Variants in RAP1GAP2 observed in about 807,000 individuals in gnomAD.
RAP1GAP2 encodes the protein RAP1 GTPase activating protein 2.
RAP1GAP2 carries 27 observed loss-of-function variants against 95.0 expected under a neutral mutation model. The ratio of observed to expected loss-of-function variants is 0.28; its 90% CI spans 0.21 to 0.39. The LOEUF is 0.39. Among genes scored for constraint, RAP1GAP2 ranks in the 10% least tolerant of loss-of-function variants. The pLI is 1.00. For missense variants in RAP1GAP2, 771 were observed against 970.0 expected, an observed-to-expected ratio of 0.79 and a Z score of 2.72; for synonymous variants, 373 against 380.9, an observed-to-expected ratio of 0.98 and a Z score of 0.24.
intron 1 of RAP1GAP2, among the ~76,000 whole-genome samples, chr17:2,761,381 C>T (rs892728361): frequency 2.7e-5 from 4 of 148,608 alleles, no homozygotes; most frequent in Non-Finnish European, 4.5e-5. Flanking sequence ...CTCCGTCCCC[C>T]GGGTTCAAGC....
chr17:2,922,170 C>T (rs918429890), intron 3 of RAP1GAP2, among the ~76,000 whole-genome samples: 3 of 152,208 alleles, frequency 2.0e-5, no homozygotes, highest in Admixed American at 6.5e-5. Context: ...CCACGTTCTG[C>T]GTCTAAGATG....
At chr17:2,836,154 C>G (rs2071119806) in intron 2 of RAP1GAP2, among the ~76,000 whole-genome samples, 2 of 152,064 alleles carry the variant, frequency 1.3e-5, no homozygotes, top group African/African-American at 4.8e-5. Flanking sequence ...GTGGTCGTCC[C>G]CCTTGCCTGA....
At position 2,871,951 on chromosome 17, in the gene RAP1GAP2, T is replaced by C. The variant is rs2072863710; in HGVS notation, c.81-33333T>C. On this transcript the variant is annotated intron_variant, in intron 2 of 24. Coordinates refer to ENST00000254695, the MANE Select transcript of RAP1GAP2 (RefSeq NM_015085.5). The surrounding 1 kb of genome is among the most constrained non-coding windows in gnomAD (Gnocchi z 5.0). ...TAAAATAGAATGATGAGGCCAGGCG[T>C]GGTGGCTCACGCCTGGAATCTCAGC... is the stretch of plus-strand genomic sequence containing the variant. 2.6e-5 allele frequency among the ~76,000 whole-genome samples: 4 copies of C among 152,222 alleles called. No homozygotes were observed. In the South Asian group the frequency reaches 8.3e-4, roughly 32 times the overall value.
chr17:2,808,415 T>C (rs1327671808), intron 2 of RAP1GAP2, among the ~76,000 whole-genome samples: 2 of 152,112 alleles, frequency 1.3e-5, no homozygotes, highest in African/African-American at 4.8e-5. Context: ...AGACTCTGAA[T>C]GTAAAATCTT....
intron 11 of RAP1GAP2, among the ~76,000 whole-genome samples, chr17:2,985,742 T>G (rs541698410): frequency 3.5e-4 from 54 of 152,196 alleles, no homozygotes; most frequent in Non-Finnish European, 2.8e-4. Context: ...TGGTGTACTC[T>G]GTGAGCAAAT....
upstream of RAP1GAP2, among the ~76,000 whole-genome samples, chr17:2,795,776 C>G (rs1239868484): frequency 1.3e-5 from 2 of 152,142 alleles, no homozygotes; most frequent in Non-Finnish European, 2.9e-5. Flanking sequence ...GCAGGTGTGT[C>G]TACTGATGCC....
intron 2 of RAP1GAP2, among the ~76,000 whole-genome samples, chr17:2,840,046 C>G (rs1023261014): frequency 2.0e-5 from 3 of 152,034 alleles, no homozygotes; most frequent in African/African-American, 7.2e-5. Context: ...TCGCACCCGG[C>G]AGAACCATTT....
chr17:2,775,654 G>A (rs2068483029), upstream of RAP1GAP2, among the ~76,000 whole-genome samples: 1 of 152,170 alleles, frequency 6.6e-6, no homozygotes, highest in Non-Finnish European at 1.5e-5. Flanking sequence ...TGCAATTAAA[G>A]GAACGGCTTT....
intron 3 of RAP1GAP2, among the ~76,000 whole-genome samples, chr17:2,921,707 A>G (rs115909000): frequency 8.5e-4 from 56 of 65,564 alleles, no homozygotes; most frequent in African/African-American, 8.1e-3. Flanking sequence ...CAGGGCCGTT[A>G]TGTGTCCACA....
At chr17:2,783,811 C>T (rs1198554575) in intron 1 of RAP1GAP2, among the ~76,000 whole-genome samples, 1 of 152,136 alleles carries the variant, frequency 6.6e-6, no homozygotes, top group Non-Finnish European at 1.5e-5. Flanking sequence ...ACACGTCTGG[C>T]GTTTCTTGCT....
At chr17:2,853,961 G>C in intron 2 of RAP1GAP2, 1 of 983,410 alleles carries the variant, frequency 1.0e-6, no homozygotes, top group Non-Finnish European at 1.2e-6. Flanking sequence ...CGGGGACGCG[G>C]GCGGGCGAGG....
At position 2,904,513 on chromosome 17, in the gene RAP1GAP2, A is replaced by G. The variant is rs965947378; in HGVS notation, c.81-771A>G. Among the ~76,000 whole-genome samples, 3 of 127,632 alleles carry G rather than the reference A, an allele frequency of 2.4e-5. No homozygotes were observed. Among genetic ancestry groups the G allele is most frequent in the African/African-American group, 8.1e-5 (3 of 37,208 alleles). The allele number at this position is 127,632 out of a possible 152,430, so 83.7% of individuals were successfully genotyped here. On this transcript the variant is annotated intron_variant, in intron 2 of 24. Coordinates refer to ENST00000254695, the MANE Select transcript of RAP1GAP2 (RefSeq NM_015085.5). This position sits in a 1 kb window ranked among gnomAD's most constrained non-coding sequence, Gnocchi z 4.7. ...GCAGGCAGCCCTGTCTCCCGAGGAC[A>G]GCTTTTTGACCAGGGCCTGTGTGTG...
At chr17:2,950,853 C>T (rs1321281410) in intron 3 of RAP1GAP2, among the ~76,000 whole-genome samples, 2 of 151,960 alleles carry the variant, frequency 1.3e-5, no homozygotes, top group Non-Finnish European at 2.9e-5. Flanking sequence ...TCAAGTGATC[C>T]ACCCACCTCA....
intron 8 of RAP1GAP2, among the ~76,000 whole-genome samples, chr17:2,974,863 A>C (rs181423590): frequency 2.0e-5 from 3 of 152,222 alleles, no homozygotes; most frequent in Non-Finnish European, 4.4e-5. Flanking sequence ...CAAAACATCA[A>C]TTGAAGGTAG....
intron 19 of RAP1GAP2, among the ~76,000 whole-genome samples, chr17:3,021,624 G>T (rs548959308): frequency 1.3e-5 from 2 of 152,106 alleles, no homozygotes; most frequent in South Asian, 4.2e-4. Context: ...TGGTAGAGAC[G>T]GGGTTTTGCC....
At chr17:3,021,371 A>G (rs1319281389) in intron 19 of RAP1GAP2, among the ~76,000 whole-genome samples, 1 of 135,172 alleles carries the variant, frequency 7.4e-6, no homozygotes, top group African/African-American at 2.8e-5. Flanking sequence ...TCAACTTTCT[A>G]TCTCCACGAG....
chr17:2,931,036 C>T (rs1216022466), intron 3 of RAP1GAP2, among the ~76,000 whole-genome samples: 1 of 146,084 alleles, frequency 6.8e-6, no homozygotes, highest in Non-Finnish European at 1.5e-5. Context: ...GCAGGAGAAT[C>T]GCTTGAACCT....
Position 2,815,632 on chromosome 17 carries a change from C to A in RAP1GAP2, c.80+15082C>A, listed in dbSNP as rs893896657. ...GAGTAGCTGGGATTACAGGCGCGCA[C>A]CACCACGCCCAGCTAATTTTTGTAT... On this transcript the variant is annotated intron_variant, in intron 2 of 24. Coordinates refer to ENST00000254695, the MANE Select transcript of RAP1GAP2 (RefSeq NM_015085.5). Among the ~76,000 whole-genome samples, 3 of 152,088 alleles carry A rather than the reference C, an allele frequency of 2.0e-5. No homozygotes were observed. In the East Asian group the frequency reaches 5.8e-4, roughly 29 times the overall value.
intron 2 of RAP1GAP2, among the ~76,000 whole-genome samples, chr17:2,833,326 G>C (rs1001843025): frequency 2.3e-4 from 35 of 151,444 alleles, no homozygotes; most frequent in Non-Finnish European, 3.4e-4. Context: ...TAGTAGAGAT[G>C]AGGTTTCACC....
Sources: gnomAD v4.1 joint callset for allele counts (sites outside exome capture counted in the v4.1 genomes callset) on GRCh38, gnomAD v4.1.1 for gene constraint, Gnocchi (gnomAD v3.1) non-coding constraint, MANE v1.5 for transcripts, NCBI Gene and HGNC (gene_info 2026-07-23, HGNC 2026-07-21) for gene names.